Variants in ADAMTS20 observed in about 807,000 individuals in gnomAD.
The protein encoded by ADAMTS20 is ADAM metallopeptidase with thrombospondin type 1 motif 20, also known as A disintegrin and metalloproteinase with thrombospondin motifs 20.
A neutral mutation model predicts 260.1 loss-of-function variants in ADAMTS20; 225 were observed. That is an observed-to-expected ratio of 0.87 (90% CI 0.78 to 0.97). ADAMTS20 has a LOEUF of 0.97. ADAMTS20 is among the 50% of genes least tolerant of loss of function. The pLI is 0.00. For synonymous variants in ADAMTS20, 802 were observed against 769.5 expected, an observed-to-expected ratio of 1.04 and a Z score of -0.70; for missense variants, 2,400 against 2,337.7, an observed-to-expected ratio of 1.03 and a Z score of -0.55.
At chr12:43,507,317 C>T (rs1021173530) in intron 3 of ADAMTS20, among the ~76,000 whole-genome samples, 2 of 152,112 alleles carry the variant, frequency 1.3e-5, no homozygotes, top group African/African-American at 2.4e-5. Flanking sequence ...CTTGTCCATA[C>T]GTGGCATCCT....
Position 43,466,871 on chromosome 12 carries a change from C to T in ADAMTS20, c.1224-76G>A, listed in dbSNP as rs1293827870. ...ATTAGTAATAGATCCTTTATAGTCA[C>T]ATTATAATACAATATAAAATATAGA... On this transcript the variant is annotated intron_variant, in intron 8 of 38. Transcript: ENST00000389420. 23 of 1,032,568 alleles carry T rather than the reference C, an allele frequency of 2.2e-5. No homozygotes were observed. In the Admixed American group the frequency reaches 4.5e-4, roughly 20 times the overall value. The allele number at this position is 1,032,568 out of a possible 1,614,324, so 64.0% of individuals were successfully genotyped here. A position where few individuals can be genotyped will look rare whatever the true frequency, so the allele number is the denominator to read the frequency against.
chr12:43,412,498 T>C (rs978770331), intron 28 of ADAMTS20, among the ~76,000 whole-genome samples: 1 of 152,214 alleles, frequency 6.6e-6, no homozygotes, highest in South Asian at 2.1e-4. Context: ...AAGATTTCTG[T>C]TGTTTTGTTC....
intron 9 of ADAMTS20, among the ~76,000 whole-genome samples, chr12:43,465,294 A>T (rs1265904744): frequency 6.6e-6 from 1 of 151,968 alleles, no homozygotes; most frequent in Non-Finnish European, 1.5e-5. Flanking sequence ...GGTTCCCATC[A>T]ATTCCTAAGA....
At chr12:43,466,538 A>G (rs1942155427) in intron 9 of ADAMTS20, 114 bp downstream of exon 9, 2 of 933,076 alleles carry the variant, frequency 2.1e-6, no homozygotes, top group South Asian at 1.6e-5. Flanking sequence ...CAGTGAAAGT[A>G]AACATAAATT....
At chr12:43,496,147 T>G (rs1942674761) in intron 4 of ADAMTS20, among the ~76,000 whole-genome samples, 1 of 152,216 alleles carries the variant, frequency 6.6e-6, no homozygotes, top group Non-Finnish European at 1.5e-5. Flanking sequence ...AAATAATAAA[T>G]GAGTAAATAT....
rs1943513710 is a variant in ADAMTS20, at chr12:43,551,329, A to C, written c.92-59T>G. The C allele has an allele frequency of 6.4e-7, 1 of 1,554,536 alleles. No homozygotes were observed. On this transcript the variant is annotated intron_variant, in intron 1 of 38. Coordinates refer to ENST00000389420, the MANE Select transcript of ADAMTS20 (RefSeq NM_025003.5). This position sits in a 1 kb window ranked among gnomAD's most constrained non-coding sequence, Gnocchi z 4.6. ...ACGCGTTCCTCATTGTCCAACTCTA[A>C]ACTTCTTCCACCAAACGTCCCCGCT...
intron 36 of ADAMTS20, among the ~76,000 whole-genome samples, chr12:43,373,045 G>A (rs529629910): frequency 6.6e-6 from 1 of 152,348 alleles, no homozygotes; most frequent in Non-Finnish European, 1.5e-5. Flanking sequence ...ATGGATCCGT[G>A]TAAGCTTAGT....
chr12:43,474,258 C>T (rs1592087969), intron 7 of ADAMTS20, among the ~76,000 whole-genome samples: 1 of 135,498 alleles, frequency 7.4e-6, no homozygotes. Context: ...ATACATTCCT[C>T]GACACATACA....
chr12:43,538,662 T>G (rs1368080131), intron 2 of ADAMTS20, among the ~76,000 whole-genome samples: 1 of 152,222 alleles, frequency 6.6e-6, no homozygotes, highest in East Asian at 1.9e-4. Context: ...TAACATATAT[T>G]TTAAATCACT....
At chr12:43,430,835 T>C (rs1274256953) in intron 22 of ADAMTS20, among the ~76,000 whole-genome samples, 1 of 152,166 alleles carries the variant, frequency 6.6e-6, no homozygotes, top group Non-Finnish European at 1.5e-5. Context: ...AAGTAAATTT[T>C]AAAGAGACAA....
chr12:43,417,213 AC>A (rs1210175939), intron 28 of ADAMTS20, among the ~76,000 whole-genome samples: 4 of 152,096 alleles, frequency 2.6e-5, no homozygotes, highest in Non-Finnish European at 5.9e-5. Flanking sequence ...TACTTCTAAG[AC>A]CTCTGGGTTT....
At position 43,383,800 on chromosome 12, in the gene ADAMTS20, T is replaced by C. The variant is rs1940409310; in HGVS notation, c.4626+4A>G. 5.0e-6 allele frequency: 8 copies of C among 1,613,522 alleles called. No individual in the cohort carries two copies. The Admixed American group carries it at 5.0e-5, about 10-fold the overall frequency. The stretch of plus-strand genomic sequence containing the variant: ...TCTTTGAAAATTTACATGTCGATAC[T>C]CACATTCAGCCTCCCTCTTTCCATC... On this transcript the variant is annotated splice_donor_region_variant and intron_variant, in intron 30 of 38. Transcript: ENST00000389420.
intron 31 of ADAMTS20, among the ~76,000 whole-genome samples, chr12:43,382,598 G>A (rs1020433362): frequency 4.0e-5 from 6 of 151,888 alleles, no homozygotes; most frequent in East Asian, 3.9e-4. Flanking sequence ...ACTAAAATTC[G>A]CTAAATTATA....
At chr12:43,505,978 G>A (rs1185877749) in intron 3 of ADAMTS20, among the ~76,000 whole-genome samples, 1 of 152,172 alleles carries the variant, frequency 6.6e-6, no homozygotes, top group Admixed American at 6.5e-5. Flanking sequence ...AAGGAAAGAA[G>A]GCATGTGTGG....
intron 18 of ADAMTS20, among the ~76,000 whole-genome samples, chr12:43,435,658 C>CA (rs1941538760): frequency 1.9e-5 from 2 of 105,486 alleles, no homozygotes; most frequent in African/African-American, 7.2e-5. Flanking sequence ...AAAAAAAAAA[C>CA]AAAAAAATAA....
intron 15 of ADAMTS20, among the ~76,000 whole-genome samples, chr12:43,445,561 T>C (rs1941744287): frequency 6.6e-6 from 1 of 151,942 alleles, no homozygotes; most frequent in Non-Finnish European, 1.5e-5. Context: ...CTGTAAAAAA[T>C]AGGCTAGGTG....
intron 3 of ADAMTS20, 93 bp from the exon 4 acceptor site, chr12:43,502,498 T>C: frequency 8.8e-7 from 1 of 1,137,686 alleles, no homozygotes; most frequent in Non-Finnish European, 1.2e-6. Context: ...TATTTAATAC[T>C]TACATATCTG....
intron 35 of ADAMTS20, among the ~76,000 whole-genome samples, chr12:43,375,729 C>A (rs1940212037): frequency 6.6e-6 from 1 of 152,176 alleles, no homozygotes; most frequent in Non-Finnish European, 1.5e-5. Flanking sequence ...CAACTGCATT[C>A]TTCTAGCTTT....
At chr12:43,394,878 T>A (rs1940667627) in intron 29 of ADAMTS20, among the ~76,000 whole-genome samples, 1 of 152,148 alleles carries the variant, frequency 6.6e-6, no homozygotes, top group Non-Finnish European at 1.5e-5. Context: ...ATCTGTCTAA[T>A]GAACGTAATA....
Sources: gnomAD v4.1 joint callset for allele counts (sites outside exome capture counted in the v4.1 genomes callset) on GRCh38, gnomAD v4.1.1 for gene constraint, Gnocchi (gnomAD v3.1) non-coding constraint, MANE v1.5 for transcripts, NCBI Gene and HGNC (gene_info 2026-07-23, HGNC 2026-07-21) for gene names.